Variants in PUM1 observed in about 807,000 individuals in gnomAD.
The protein encoded by PUM1 is pumilio RNA binding family member 1, also known as pumilio homolog 1.
A neutral mutation model predicts 131.8 loss-of-function variants in PUM1; 13 were observed. The observed-to-expected ratio is 0.10, with a 90% CI of 0.06 to 0.16. PUM1 has a LOEUF of 0.16. PUM1 is among the 10% of genes least tolerant of loss of function. PUM1 has a pLI of 1.00. For missense variants in PUM1, 961 were observed against 1,512.4 expected, an observed-to-expected ratio of 0.64 and a Z score of 6.05; for synonymous variants, 509 against 556.5, an observed-to-expected ratio of 0.91 and a Z score of 1.20.
intron 3 of PUM1, among the ~76,000 whole-genome samples, chr1:31,011,986 G>T (rs1216381040): frequency 1.3e-5 from 2 of 152,126 alleles, no homozygotes; most frequent in Admixed American, 6.5e-5. Flanking sequence ...CACATTTAAG[G>T]GCAGGGCATA....
rs144369611 is a variant in PUM1 at position 30,952,307 on chromosome 1, T to G, written c.2648A>C (p.Asn883Thr). The G allele has an allele frequency of 6.2e-7, 1 of 1,613,972 alleles. No homozygotes were observed. Among genetic ancestry groups the G allele is most frequent in the South Asian group, 1.1e-5 (1 of 91,082 alleles). Residue 883 changes from asparagine (N) to threonine (T), a missense_variant, in exon 16 of 22, where the codon AAT becomes ACT. Around this residue, in one of 4 missense-constraint regions of PUM1, gnomAD observed 117 missense variants for 200.7 expected, o/e 0.58. Coordinates refer to ENST00000426105, the MANE Select transcript of PUM1 (RefSeq NM_001020658.2). ...ATPAERQLVF[N>T]EILQAAYQLM... ...TTGGTAGGCAGCCTGGAGGATTTCA[T>G]TGAAGACAAGCTGGCGCTCAGCTGG...
chr1:30,988,940 G>A (rs1641669057), intron 7 of PUM1, among the ~76,000 whole-genome samples: 1 of 152,056 alleles, frequency 6.6e-6, no homozygotes, highest in South Asian at 2.1e-4. Flanking sequence ...CAGAACCCAA[G>A]GTTCCTAGAA....
chr1:30,953,005 A>AAACAT (rs1553145269), intron 15 of PUM1, among the ~76,000 whole-genome samples: 1 of 151,818 alleles, frequency 6.6e-6, no homozygotes, highest in Non-Finnish European at 1.5e-5. Flanking sequence ...AAACAAAACA[A>AAACAT]AAAAACAAAA....
rs187547855 is a variant in PUM1, at chr1:31,032,162, A to G, written c.364-3298T>C. Among the ~76,000 whole-genome samples, 35 of 152,322 alleles carry G rather than the reference A, an allele frequency of 2.3e-4. No homozygotes were observed. The East Asian group carries it at 5.4e-3, about 23-fold the overall frequency. ...AGATAAACCAAGTCATTCTCTCACA[A>G]AAGTTTTTAACTATTTGGGAACTTA... is the stretch of plus-strand genomic sequence containing the variant. On this transcript the variant is annotated intron_variant, in intron 2 of 21. Coordinates refer to ENST00000426105, the MANE Select transcript of PUM1 (RefSeq NM_001020658.2).
In PUM1 at chr1:30,936,847, T is replaced by TA; in HGVS notation, c.3243-13dup. ...TCTCCACAACATTGCTGTAATGAGA[T>TA]AAAACCAGGGACAACTCTTACAAGA... On this transcript the variant is annotated splice_polypyrimidine_tract_variant and intron_variant, in intron 20 of 21. Coordinates refer to ENST00000426105, the MANE Select transcript of PUM1 (RefSeq NM_001020658.2). 1 of 1,591,758 alleles carries TA rather than the reference T, an allele frequency of 6.3e-7. No individual in the cohort carries two copies. The highest frequency in any genetic ancestry group is 8.6e-7 in the Non-Finnish European group (1 of 1,163,858).
intron 2 of PUM1, among the ~76,000 whole-genome samples, chr1:31,058,686 T>C (rs948122880): frequency 2.8e-5 from 4 of 141,858 alleles, no homozygotes; most frequent in African/African-American, 7.9e-5. Context: ...ATGCATTCTA[T>C]AGGCCGGGCG....
intron 1 of PUM1, 92 bp downstream of exon 1, chr1:31,065,524 C>T (rs1463547192): frequency 6.9e-7 from 1 of 1,449,118 alleles, no homozygotes; most frequent in African/African-American, 1.5e-5. Context: ...CTTCTCACCC[C>T]CACAACCACT....
Position 30,967,240 on chromosome 1 carries a change from T to G in PUM1, c.1716A>C (p.Arg572Ser). ...TGALVVNAGA[R>S]NGLGAPVRLV... ...GTCGAACAGGAGCTCCAAGACCATTTCTCGCGCCTGCATTCACTACAAGGG... is the reference window on the plus strand; with the variant it reads ...GTCGAACAGGAGCTCCAAGACCATTGCTCGCGCCTGCATTCACTACAAGGG... The change falls in exon 12 of 22, where the codon AGA (arginine) becomes AGC (serine). Residue 572 changes from arginine to serine, a missense_variant. Around this residue, in one of 4 missense-constraint regions of PUM1, gnomAD observed 654 missense variants for 923.9 expected, o/e 0.71. Transcript: ENST00000426105. 6.2e-7 allele frequency: 1 copy of G among 1,614,068 alleles called. No homozygotes were observed.
At chr1:31,038,985 T>TA (rs879343889) in intron 2 of PUM1, among the ~76,000 whole-genome samples, 6,673 of 32,496 alleles carry the variant, frequency 0.21, 315 homozygotes, top group Non-Finnish European at 0.22. Context: ...TATATATATA[T>TA]TTTTTTTTTT....
chr1:30,936,836 C>A lies in PUM1; in HGVS notation c.3243-1G>T. ...AGTAACACACTTCTCCACAACATTG[C>A]TGTAATGAGATAAAACCAGGGACAA... is the stretch of plus-strand genomic sequence containing the variant. On this transcript the variant is annotated splice_acceptor_variant, in intron 20 of 21. Coordinates refer to ENST00000426105, the MANE Select transcript of PUM1 (RefSeq NM_001020658.2). LOFTEE classifies it high-confidence loss of function. 1 of 1,603,236 alleles carries A rather than the reference C, an allele frequency of 6.2e-7. No homozygotes were observed. Among genetic ancestry groups the A allele is most frequent in the South Asian group, 1.1e-5 (1 of 90,108 alleles).
chr1:31,036,946 G>T, intron 2 of PUM1: 1 of 165,380 alleles, frequency 6.0e-6, no homozygotes, highest in East Asian at 1.6e-4. Context: ...TATGAGAGAA[G>T]GTAAAGATAC....
chr1:30,939,870 CT>C (rs879941041), intron 20 of PUM1, among the ~76,000 whole-genome samples: 1 of 151,398 alleles, frequency 6.6e-6, no homozygotes, highest in Non-Finnish European at 1.5e-5. Context: ...ATAAAAACTT[CT>C]TTTTTTTTAA....
intron 20 of PUM1, among the ~76,000 whole-genome samples, chr1:30,940,253 G>A (rs1460432176): frequency 6.6e-6 from 1 of 152,148 alleles, no homozygotes; most frequent in Non-Finnish European, 1.5e-5. Context: ...CTAAGTGGGA[G>A]GATTAAGTCC....
intron 2 of PUM1, among the ~76,000 whole-genome samples, chr1:31,031,526 G>A (rs1174058440): frequency 6.6e-6 from 1 of 152,144 alleles, no homozygotes; most frequent in Non-Finnish European, 1.5e-5. Flanking sequence ...AGGAAACTAA[G>A]GCTCAGAGCA....
At chr1:31,021,051 T>C (rs543116032) in intron 3 of PUM1, among the ~76,000 whole-genome samples, 1 of 152,210 alleles carries the variant, frequency 6.6e-6, no homozygotes, top group Non-Finnish European at 1.5e-5. Context: ...ATTTCCATGC[T>C]CCAACAGATG....
At chr1:30,943,662 T>C (rs1639553862) in intron 18 of PUM1, among the ~76,000 whole-genome samples, 1 of 152,234 alleles carries the variant, frequency 6.6e-6, no homozygotes, top group Non-Finnish European at 1.5e-5. Context: ...TCTCATGGTA[T>C]ACATGTACAG....
rs1445727574 is a variant in PUM1 at position 30,953,707 on chromosome 1, T to C, written c.2591+7A>G. On this transcript the variant is annotated splice_region_variant and intron_variant, in intron 15 of 21. Transcript: ENST00000426105. ...GGTACCTTAAAGTGCCAAAGCCAAGTACTCACCTGGACCCATGCTGGTCTT... is the reference window on the plus strand; with the variant it reads ...GGTACCTTAAAGTGCCAAAGCCAAGCACTCACCTGGACCCATGCTGGTCTT... The C allele has an allele frequency of 1.9e-5, 31 of 1,614,086 alleles. No individual in the cohort carries two copies. The highest frequency in any genetic ancestry group is 2.5e-5 in the Non-Finnish European group (30 of 1,179,912).
intron 5 of PUM1, among the ~76,000 whole-genome samples, chr1:30,997,403 C>T (rs2124494011): frequency 6.6e-6 from 1 of 151,672 alleles, no homozygotes; most frequent in Middle Eastern, 3.4e-3. Flanking sequence ...GAGGCTGAGG[C>T]AGGACAATCG....
chr1:30,964,647 A>C, intron 14 of PUM1, 27 bp downstream of exon 14: 1 of 1,558,238 alleles, frequency 6.4e-7, no homozygotes, highest in South Asian at 1.1e-5. Flanking sequence ...CTAGAGTTCA[A>C]GGTGGTGTTA....
Sources: gnomAD v4.1 joint callset for allele counts (sites outside exome capture counted in the v4.1 genomes callset) on GRCh38, gnomAD v4.1.1 for gene constraint, gnomAD v4.1.1 regional missense constraint, MANE v1.5 for transcripts, NCBI Gene and HGNC (gene_info 2026-07-23, HGNC 2026-07-21) for gene names.